Variants in ADCY5 observed in about 807,000 individuals in gnomAD.
ADCY5 encodes the protein adenylate cyclase 5.
Under a neutral mutation model 119.7 loss-of-function variants are expected in ADCY5, and 30 were observed. The observed-to-expected ratio is 0.25, with a 90% CI of 0.19 to 0.34. The LOEUF (loss-of-function observed/expected upper bound fraction) is 0.34, where lower values mean the gene tolerates loss of function less well. Ranked by LOEUF, ADCY5 falls within the 10% of genes least tolerant of loss-of-function variation. The probability of loss-of-function intolerance (pLI) is 1.00; values close to 1 mark genes in which losing one functional copy is unlikely to be tolerated. For synonymous variants in ADCY5, 753 were observed against 762.2 expected, an observed-to-expected ratio of 0.99 and a Z score of 0.20; for missense variants, 1,324 against 1,775.2, an observed-to-expected ratio of 0.75 and a Z score of 4.57.
intron 16 of ADCY5, 35 bp from the exon 17 acceptor site, chr3:123,296,251 G>A (rs200579862): frequency 6.2e-6 from 10 of 1,602,660 alleles, no homozygotes; most frequent in African/African-American, 2.7e-5. Context: ...TGAGACGGCC[G>A]TGGCTCCTCA....
At chr3:123,294,948 G>C (rs1259308997) in intron 17 of ADCY5, among the ~76,000 whole-genome samples, 2 of 152,220 alleles carry the variant, frequency 1.3e-5, no homozygotes, top group East Asian at 3.8e-4. Context: ...GAAGAAGGCA[G>C]AGGCCTGACA....
At chr3:123,291,027 G>A (rs749154431) in intron 18 of ADCY5, 86 bp downstream of exon 18, 11 of 1,475,528 alleles carry the variant, frequency 7.5e-6, no homozygotes, top group South Asian at 1.4e-5. Flanking sequence ...GTAGAAGGGG[G>A]CGCCAGGTCT....
chr3:123,339,277 T>G (rs576326562), intron 3 of ADCY5, among the ~76,000 whole-genome samples: 1 of 152,160 alleles, frequency 6.6e-6, no homozygotes, highest in African/African-American at 2.4e-5. Context: ...TCCTTTGGGC[T>G]CACATGTCCC....
At chr3:123,388,450 G>A (rs1944297652) in intron 1 of ADCY5, among the ~76,000 whole-genome samples, 2 of 152,154 alleles carry the variant, frequency 1.3e-5, no homozygotes, top group African/African-American at 4.8e-5. Flanking sequence ...GGACAGTGGG[G>A]TGGATGAGTG....
intron 1 of ADCY5, among the ~76,000 whole-genome samples, chr3:123,427,938 AAG>A (rs1323233769): frequency 6.6e-6 from 1 of 152,206 alleles, no homozygotes; most frequent in African/African-American, 2.4e-5. Context: ...CACCTAGGCA[AAG>A]AGAGAACTGA....
chr3:123,367,627 C>T (rs1234765559), intron 1 of ADCY5, among the ~76,000 whole-genome samples: 1 of 151,984 alleles, frequency 6.6e-6, no homozygotes, highest in African/African-American at 2.4e-5. Context: ...TGGTGCCAGC[C>T]GTGTAGGTGG....
intron 1 of ADCY5, among the ~76,000 whole-genome samples, chr3:123,441,513 T>C (rs1945720756): frequency 6.6e-6 from 1 of 152,198 alleles, no homozygotes; most frequent in Non-Finnish European, 1.5e-5. Context: ...TACCTAGAGC[T>C]GAGACCTGTC....
At chr3:123,362,862 G>T (rs2107507657) in intron 1 of ADCY5, among the ~76,000 whole-genome samples, 1 of 152,196 alleles carries the variant, frequency 6.6e-6, no homozygotes, top group Non-Finnish European at 1.5e-5. Flanking sequence ...AACAAAAAAA[G>T]GCTGGGCACA....
chr3:123,346,547 G>A (rs1333018669), intron 3 of ADCY5, among the ~76,000 whole-genome samples: 2 of 151,354 alleles, frequency 1.3e-5, no homozygotes, highest in Admixed American at 1.3e-4. Context: ...GAACTGGGCA[G>A]TTCTCATTCT....
At chr3:123,374,518 C>A (rs1343692082) in intron 1 of ADCY5, among the ~76,000 whole-genome samples, 4 of 152,120 alleles carry the variant, frequency 2.6e-5, no homozygotes, top group African/African-American at 7.2e-5. Context: ...ATTTTACAGA[C>A]AAAAAGAAAG....
chr3:123,350,357 T>C (rs1175858592), intron 2 of ADCY5, among the ~76,000 whole-genome samples: 1 of 152,204 alleles, frequency 6.6e-6, no homozygotes, highest in East Asian at 1.9e-4. Flanking sequence ...GTGTTCTCTG[T>C]GGGTCGGTCT....
At chr3:123,328,848 G>A in intron 5 of ADCY5, 46 bp from the exon 6 acceptor site, 1 of 1,589,042 alleles carries the variant, frequency 6.3e-7, no homozygotes, top group Non-Finnish European at 8.6e-7. Flanking sequence ...TGGAGGCCAG[G>A]CACACAGAAT....
At chr3:123,376,515 G>A (rs1943839256) in intron 1 of ADCY5, among the ~76,000 whole-genome samples, 1 of 152,196 alleles carries the variant, frequency 6.6e-6, no homozygotes, top group African/African-American at 2.4e-5. Context: ...GTCATTAGAA[G>A]GAGGGGACAC....
intron 20 of ADCY5, among the ~76,000 whole-genome samples, chr3:123,285,926 G>A (rs935958474): frequency 6.6e-6 from 1 of 152,196 alleles, no homozygotes; most frequent in Non-Finnish European, 1.5e-5. Flanking sequence ...CTGTGGGGGA[G>A]AGAAGTCAGG....
chr3:123,289,644 T>C, intron 19 of ADCY5, 106 bp downstream of exon 19: 15 of 1,377,994 alleles, frequency 1.1e-5, no homozygotes, highest in Non-Finnish European at 1.5e-5. Flanking sequence ...CCTGGCCTTC[T>C]ACCTTGGGAC....
chr3:123,304,999 C>T (rs1203619229), intron 12 of ADCY5, among the ~76,000 whole-genome samples: 1 of 152,124 alleles, frequency 6.6e-6, no homozygotes, highest in Admixed American at 6.5e-5. Flanking sequence ...CCCAACACTT[C>T]CTGCTGAGGC....
Position 123,284,470 on chromosome 3 carries a change from C to A in ADCY5, c.*138G>T. On this transcript the variant is annotated 3_prime_UTR_variant, in exon 21 of 21. Coordinates refer to ENST00000462833, the MANE Select transcript of ADCY5 (RefSeq NM_183357.3). ...TGCCCACCAGCAAAGGCAGAAGCTG[C>A]TCTGGAGTCCAAGTGGAAAATCTCA... 7.3e-7 allele frequency: 1 copy of A among 1,377,540 alleles called. No individual in the cohort carries two copies. The highest frequency in any genetic ancestry group is 9.8e-7 in the Non-Finnish European group (1 of 1,019,486). 85.3% of individuals were successfully genotyped at this position (1,377,540 alleles called of 1,614,324 possible). A position where few individuals can be genotyped will look rare whatever the true frequency, so the allele number is the denominator to read the frequency against.
chr3:123,445,188 C>CGA (rs1945791165), intron 1 of ADCY5, among the ~76,000 whole-genome samples: 1 of 152,140 alleles, frequency 6.6e-6, no homozygotes, highest in Non-Finnish European at 1.5e-5. Flanking sequence ...TTGCAAAAGT[C>CGA]TAAAGACCAC....
intron 1 of ADCY5, among the ~76,000 whole-genome samples, chr3:123,399,668 G>A (rs975364313): frequency 6.6e-6 from 1 of 152,030 alleles, no homozygotes; most frequent in African/African-American, 2.4e-5. Flanking sequence ...CTGCTTCTTC[G>A]ATAGATACCT....
Sources: allele counts gnomAD v4.1 joint callset (sites outside exome capture counted in the v4.1 genomes callset), GRCh38; gene constraint gnomAD v4.1.1; transcripts MANE v1.5; gene names NCBI Gene and HGNC (gene_info 2026-07-23, HGNC 2026-07-21).